Variants in GTF2H2 observed in about 807,000 individuals in gnomAD.
GTF2H2 encodes the protein general transcription factor IIH subunit 2, also known as TFIIH basal transcription factor complex p44 subunit.
A neutral mutation model predicts 16.5 loss-of-function variants in GTF2H2; 2 were observed. The observed-to-expected ratio is 0.12, with a 90% CI of 0.05 to 0.38. The LOEUF (loss-of-function observed/expected upper bound fraction) is 0.38, where lower values mean the gene tolerates loss of function less well. GTF2H2 is among the 10% of genes least tolerant of loss of function. The pLI, the probability that GTF2H2 is intolerant of heterozygous loss-of-function variation, is 0.99. For synonymous variants in GTF2H2, 8 were observed against 44.1 expected, an observed-to-expected ratio of 0.18 and a Z score of 3.24; for missense variants, 20 against 137.0, an observed-to-expected ratio of 0.15 and a Z score of 4.26.
chr5:71,054,763 T>G (rs1753065427), intron 8 of GTF2H2, among the ~76,000 whole-genome samples: 1 of 130,454 alleles, frequency 7.7e-6, no homozygotes. Context: ...ATATATATAA[T>G]AGATATATAA....
intron 7 of GTF2H2, among the ~76,000 whole-genome samples, chr5:71,057,416 T>G (rs1229354606): frequency 1.4e-5 from 2 of 143,994 alleles, no homozygotes; most frequent in African/African-American, 5.2e-5. Context: ...TTTCCCTGAT[T>G]TAATTTCTGG....
chr5:71,047,770 T>G (rs1752508308), intron 11 of GTF2H2: 1 of 53,378 alleles, frequency 1.9e-5, no homozygotes, highest in African/African-American at 6.9e-5. Flanking sequence ...ATATAAGTAT[T>G]TTTCTATAAA....
rs1346134680 is a variant in GTF2H2 at position 71,054,751 on chromosome 5, G to A, written c.470+601C>T. 4.7e-3 allele frequency among the ~76,000 whole-genome samples: 593 copies of A among 126,966 alleles called. 41 individuals are homozygous for A. The highest frequency in any genetic ancestry group is 0.016 in the African/African-American group (526 of 32,032). The allele number at this position is 126,966 out of a possible 152,430, so 83.3% of individuals were successfully genotyped here. A position where few individuals can be genotyped will look rare whatever the true frequency, so the allele number is the denominator to read the frequency against. Reference sequence around the variant, plus strand: ...TGTGTGTGTGTGTGTGTGTGTGTGTGTATATATATAATAGATATATAAGCT... The same window carrying A: ...TGTGTGTGTGTGTGTGTGTGTGTGTATATATATATAATAGATATATAAGCT... On this transcript the variant is annotated intron_variant, in intron 8 of 15. Transcript: ENST00000274400.
At chr5:71,054,420 C>A (rs887586926) in intron 8 of GTF2H2, among the ~76,000 whole-genome samples, 1 of 145,726 alleles carries the variant, frequency 6.9e-6, no homozygotes, top group Non-Finnish European at 1.5e-5. Flanking sequence ...TGAGCCAGGG[C>A]GGACTATCCA....
chr5:71,049,032 TAC>T (rs1295529588), intron 9 of GTF2H2, 34 bp downstream of exon 9: 26 of 394,398 alleles, frequency 6.6e-5, no homozygotes, highest in Non-Finnish European at 1.1e-4. Context: ...GAATTCTCTT[TAC>T]AGTTATAACT....
At chr5:71,039,640 G>C (rs1376317759) in intron 14 of GTF2H2, among the ~76,000 whole-genome samples, 4 of 146,536 alleles carry the variant, frequency 2.7e-5, no homozygotes, top group African/African-American at 1.0e-4. Context: ...TCTCCTATTT[G>C]AACCTCTTTA....
At chr5:71,038,677 T>A (rs967522002) in intron 14 of GTF2H2, among the ~76,000 whole-genome samples, 262 of 22,862 alleles carry the variant, frequency 0.011, 40 homozygotes, top group Middle Eastern at 0.022. Flanking sequence ...TTTAAAACAT[T>A]TTTTTTTTCC....
At chr5:71,040,083 C>A (rs1751999817) in intron 14 of GTF2H2, among the ~76,000 whole-genome samples, 1 of 59,052 alleles carries the variant, frequency 1.7e-5, no homozygotes, top group African/African-American at 5.4e-5. Flanking sequence ...CATAATTATA[C>A]CTGAAATATG....
intron 14 of GTF2H2, among the ~76,000 whole-genome samples, chr5:71,039,744 A>G (rs1414363769): frequency 1.9e-5 from 2 of 107,150 alleles, no homozygotes; most frequent in African/African-American, 7.5e-5. Context: ...AACCTCAACC[A>G]TAAGCAAATA....
At chr5:71,052,228 C>T (rs868835249) in intron 8 of GTF2H2, among the ~76,000 whole-genome samples, 4 of 138,974 alleles carry the variant, frequency 2.9e-5, no homozygotes, top group African/African-American at 8.5e-5. Context: ...AGTGCAATGG[C>T]GCGATCTCGG....
chr5:71,055,250 T>G lies in GTF2H2; in HGVS notation c.470+102A>C, dbSNP rs1433747946. 5 of 1,201,292 alleles carry G rather than the reference T, an allele frequency of 4.2e-6. 2 individuals carry two copies. In the African/African-American group the frequency reaches 8.6e-5, roughly 21 times the overall value. 74.4% of individuals were successfully genotyped at this position (1,201,292 alleles called of 1,614,324 possible). A position where few individuals can be genotyped will look rare whatever the true frequency, so the allele number is the denominator to read the frequency against. ...ACTACATAATTCTTGTACTTAACAA[T>G]TTTGTTATAGCTGGGTTTATGGGCC... On this transcript the variant is annotated intron_variant, in intron 8 of 15. Transcript: ENST00000274400.
intron 8 of GTF2H2, among the ~76,000 whole-genome samples, chr5:71,051,057 G>A (rs1752670961): frequency 1.4e-5 from 2 of 143,396 alleles, no homozygotes; most frequent in Non-Finnish European, 3.1e-5. Context: ...ATGTTGGCCA[G>A]ACTAGTCTTG....
rs1211144036 is a variant in GTF2H2, at chr5:71,061,781, ATT to A, written c.57-18_57-17del. ...AAGAATCTCCCTATAAGTCATAATT[ATT>A]TGTTTGAAAAGACAAGCTAAAATGA... On this transcript the variant is annotated splice_polypyrimidine_tract_variant and intron_variant, in intron 2 of 15. Coordinates refer to ENST00000274400, the Ensembl canonical transcript of GTF2H2. 4 of 14,140 alleles carry A rather than the reference ATT, an allele frequency of 2.8e-4. No homozygotes were observed. The highest frequency in any genetic ancestry group is 2.7e-3 in the South Asian group (4 of 1,476). The allele number at this position is 14,140 out of a possible 1,614,324, so 0.9% of individuals were successfully genotyped here. A position where few individuals can be genotyped will look rare whatever the true frequency, so the allele number is the denominator to read the frequency against.
intron 8 of GTF2H2, among the ~76,000 whole-genome samples, chr5:71,054,711 A>ACG (rs1397622970): frequency 1.1e-5 from 1 of 92,226 alleles, no homozygotes; most frequent in Non-Finnish European, 2.2e-5. Context: ...ATATATATAT[A>ACG]CGTGTGTGTG....
Position 71,037,738 on chromosome 5 carries a change from G to A in GTF2H2, c.1029-192C>T, listed in dbSNP as rs1178466912. Among the ~76,000 whole-genome samples the A allele has an allele frequency of 8.9e-5, 6 of 67,260 alleles. 3 individuals carry two copies. The highest frequency in any genetic ancestry group is 3.4e-4 in the African/African-American group (6 of 17,694). 44.1% of individuals were successfully genotyped at this position (67,260 alleles called of 152,430 possible). On this transcript the variant is annotated intron_variant, in intron 14 of 15. Coordinates refer to ENST00000274400, the Ensembl canonical transcript of GTF2H2. ...TATAATCCCAGCACTTTGGGAGGCC[G>A]AGGCGGGTGGATCACCTCAGGTCAG...
chr5:71,052,124 C>G (rs1752776269), intron 8 of GTF2H2, among the ~76,000 whole-genome samples: 2 of 142,250 alleles, frequency 1.4e-5, no homozygotes, highest in African/African-American at 5.4e-5. Context: ...TTCTGGATAA[C>G]TTGCTGCAGC....
intron 8 of GTF2H2, among the ~76,000 whole-genome samples, chr5:71,054,503 T>TG (rs1753025201): frequency 6.9e-6 from 1 of 144,944 alleles, no homozygotes; most frequent in Non-Finnish European, 1.5e-5. Context: ...AAGACCAGCC[T>TG]GGCTAACATG....
At chr5:71,046,549 AATAT>A (rs1390498937) in intron 11 of GTF2H2, among the ~76,000 whole-genome samples, 1 of 87,460 alleles carries the variant, frequency 1.1e-5, no homozygotes, top group African/African-American at 5.2e-5. Flanking sequence ...AACATTTAAA[AATAT>A]ACATATTAAA....
chr5:71,054,330 A>G lies in GTF2H2; in HGVS notation c.470+1022T>C, dbSNP rs1237963093. Among the ~76,000 whole-genome samples the G allele has an allele frequency of 1.4e-5, 2 of 146,020 alleles. 1 individual carries two copies. Among genetic ancestry groups the G allele is most frequent in the African/African-American group, 5.2e-5 (2 of 38,098 alleles). On this transcript the variant is annotated intron_variant, in intron 8 of 15. Coordinates refer to ENST00000274400, the Ensembl canonical transcript of GTF2H2. ...TCTCACTGGTAGACCCTGCTACTGTACTTACCTCTATTACATGTGTTGCCT... is the reference window on the plus strand; with the variant it reads ...TCTCACTGGTAGACCCTGCTACTGTGCTTACCTCTATTACATGTGTTGCCT...
Sources: allele counts gnomAD v4.1 joint callset (sites outside exome capture counted in the v4.1 genomes callset), GRCh38; gene constraint gnomAD v4.1.1; transcripts MANE v1.5; gene names NCBI Gene and HGNC (gene_info 2026-07-23, HGNC 2026-07-21).